The following ARMH3 variants were observed in gnomAD, a reference collection of about 807,000 sequenced individuals.
ARMH3 encodes the protein armadillo like helical domain containing 3.
Under a neutral mutation model 99.1 loss-of-function variants are expected in ARMH3, and 60 were observed. The observed-to-expected ratio is 0.61, with a 90% CI of 0.49 to 0.75. The LOEUF is 0.75. Ranked by LOEUF, ARMH3 falls within the 30% of genes least tolerant of loss-of-function variation. ARMH3 has a pLI of 0.00. For missense variants in ARMH3, 679 were observed against 843.1 expected (o/e 0.81, Z 2.41); for synonymous variants, 285 against 292.8 (o/e 0.97, Z 0.27).
chr10:102,029,624 A>G lies in ARMH3; in HGVS notation c.414+14T>C, dbSNP rs1209442206. On this transcript the variant is annotated intron_variant, in intron 5 of 25. Coordinates refer to ENST00000370033, the MANE Select transcript of ARMH3 (RefSeq NM_024541.3). ...AGCTGCCATCCACAGGCACATCTGC[A>G]GCTTATGCCTCACCTTCATGCACAG... The G allele has an allele frequency of 6.2e-7, 1 of 1,614,256 alleles. No individual in the cohort carries two copies. The highest frequency in any genetic ancestry group is 8.5e-7 in the Non-Finnish European group (1 of 1,180,052).
chr10:101,980,241 G>C (rs1168089475), intron 19 of ARMH3, among the ~76,000 whole-genome samples: 3 of 152,078 alleles, frequency 2.0e-5, no homozygotes, highest in Admixed American at 1.3e-4. Flanking sequence ...CTGAACCTAG[G>C]TAAACTGCTA....
chr10:101,935,670 G>A (rs1354022012), intron 23 of ARMH3, among the ~76,000 whole-genome samples: 2 of 152,164 alleles, frequency 1.3e-5, no homozygotes, highest in African/African-American at 4.8e-5. Context: ...GCTGTCTAAA[G>A]ACTTCACATG....
chr10:101,900,742 G>T (rs1176671536), intron 23 of ARMH3, among the ~76,000 whole-genome samples: 1 of 152,210 alleles, frequency 6.6e-6, no homozygotes, highest in Non-Finnish European at 1.5e-5. Context: ...AACACTTTGG[G>T]ACGCCCAGGT....
At chr10:101,975,402 C>T (rs2135925387) in intron 19 of ARMH3, 102 bp from the exon 20 acceptor site, 1 of 822,456 alleles carries the variant, frequency 1.2e-6, no homozygotes, top group Non-Finnish European at 2.0e-6. Context: ...CCACTAAAGA[C>T]ACTGGATATG....
intron 1 of ARMH3, among the ~76,000 whole-genome samples, chr10:102,055,309 A>T (rs923346171): frequency 4.0e-5 from 6 of 151,664 alleles, no homozygotes; most frequent in African/African-American, 9.7e-5. Flanking sequence ...AAATAAATAA[A>T]TAAATAAATA....
intron 23 of ARMH3, among the ~76,000 whole-genome samples, chr10:101,907,332 A>G (rs941852566): frequency 2.6e-4 from 40 of 152,014 alleles, no homozygotes; most frequent in African/African-American, 8.2e-4. Flanking sequence ...TAATTTCAAC[A>G]AAGTGTGAAT....
rs2066947707 is a variant in ARMH3 at position 101,864,286 on chromosome 10, CT to C, written c.1861-14395del. ...GTGGAGAAACAGGAACACTTTTACA[CT>C]GTTGGTGGAACTGTAAACTAGTTCA... On this transcript the variant is annotated intron_variant, in intron 24 of 25. Coordinates refer to ENST00000370033, the MANE Select transcript of ARMH3 (RefSeq NM_024541.3). Among the ~76,000 whole-genome samples the C allele has an allele frequency of 2.0e-5, 3 of 152,242 alleles. No individual in the cohort carries two copies. The South Asian group carries it at 6.2e-4, about 32-fold the overall frequency.
chr10:101,938,336 G>A (rs923167024), intron 23 of ARMH3, among the ~76,000 whole-genome samples: 1 of 152,202 alleles, frequency 6.6e-6, no homozygotes, highest in Non-Finnish European at 1.5e-5. Flanking sequence ...ATGGTAACAA[G>A]GCTCAGCCCA....
At chr10:101,982,217 C>T (rs1846267299) in intron 19 of ARMH3, among the ~76,000 whole-genome samples, 1 of 149,256 alleles carries the variant, frequency 6.7e-6, no homozygotes, top group Non-Finnish European at 1.5e-5. Context: ...GCCATCTCTA[C>T]CAAAAAAAAA....
At chr10:101,886,534 G>A (rs1316361700) in intron 24 of ARMH3, among the ~76,000 whole-genome samples, 1 of 151,874 alleles carries the variant, frequency 6.6e-6, no homozygotes, top group Non-Finnish European at 1.5e-5. Flanking sequence ...AAAAAAGAAT[G>A]ATCCTTCAGT....
chr10:101,943,957 G>A (rs1036275990), intron 22 of ARMH3, among the ~76,000 whole-genome samples: 3 of 150,996 alleles, frequency 2.0e-5, no homozygotes, highest in African/African-American at 7.3e-5. Flanking sequence ...CCAGCTACTC[G>A]GGAGGCTGAG....
intron 19 of ARMH3, 103 bp from the exon 20 acceptor site, chr10:101,975,403 A>G (rs1845951004): frequency 1.2e-6 from 1 of 808,916 alleles, no homozygotes; most frequent in Admixed American, 2.0e-5. Flanking sequence ...CACTAAAGAC[A>G]CTGGATATGA....
At chr10:101,997,902 A>G (rs966571032) in intron 15 of ARMH3, among the ~76,000 whole-genome samples, 1 of 152,186 alleles carries the variant, frequency 6.6e-6, no homozygotes, top group African/African-American at 2.4e-5. Context: ...TATTGCTGCT[A>G]AAAACATAAT....
intron 23 of ARMH3, among the ~76,000 whole-genome samples, chr10:101,911,752 T>C (rs1401474411): frequency 6.6e-6 from 1 of 151,912 alleles, no homozygotes; most frequent in Non-Finnish European, 1.5e-5. Context: ...AAAAAAGACA[T>C]GGGGCCAGGC....
intron 19 of ARMH3, among the ~76,000 whole-genome samples, chr10:101,981,211 A>G (rs544054087): frequency 3.3e-4 from 50 of 152,332 alleles, no homozygotes; most frequent in African/African-American, 1.2e-3. Flanking sequence ...AAAGAAAAAA[A>G]ACAGGGGTAG....
At chr10:101,951,970 C>T (rs558708573) in intron 22 of ARMH3, among the ~76,000 whole-genome samples, 11 of 151,984 alleles carry the variant, frequency 7.2e-5, no homozygotes, top group African/African-American at 2.2e-4. Flanking sequence ...AGAACAGCAG[C>T]AGCAGCAGTA....
At chr10:102,039,895 TC>T (rs2067368122) in intron 2 of ARMH3, 117 bp downstream of exon 2, 9 of 889,312 alleles carry the variant, frequency 1.0e-5, no homozygotes, top group African/African-American at 1.7e-5. Flanking sequence ...CCTCTTTCTC[TC>T]CCCTGTCCCA....
At chr10:102,046,090 C>T (rs377180913) in intron 1 of ARMH3, among the ~76,000 whole-genome samples, 1 of 151,510 alleles carries the variant, frequency 6.6e-6, no homozygotes, top group African/African-American at 2.4e-5. Context: ...AGTTAAACTC[C>T]ATTTCAAAAA....
At chr10:101,862,363 G>A (rs968430390) in intron 24 of ARMH3, among the ~76,000 whole-genome samples, 1 of 152,158 alleles carries the variant, frequency 6.6e-6, no homozygotes, top group Non-Finnish European at 1.5e-5. Context: ...GATCACTTGA[G>A]GTCAGAAGTT....
Sources: gnomAD v4.1 joint callset for allele counts (sites outside exome capture counted in the v4.1 genomes callset) on GRCh38, gnomAD v4.1.1 for gene constraint, MANE v1.5 for transcripts, NCBI Gene and HGNC (gene_info 2026-07-23, HGNC 2026-07-21) for gene names.